The following KIAA1755 variants were observed in gnomAD, a reference collection of about 807,000 sequenced individuals.
KIAA1755 encodes KIAA1755.
Under a neutral mutation model 91.7 loss-of-function variants are expected in KIAA1755, and 68 were observed. That is an observed-to-expected ratio of 0.74 (90% confidence interval 0.61 to 0.91). The LOEUF is 0.91. Among genes scored for constraint, KIAA1755 ranks in the 40% least tolerant of loss-of-function variants. The probability of loss-of-function intolerance (pLI) is 0.00; values close to 1 mark genes in which losing one functional copy is unlikely to be tolerated. For missense variants in KIAA1755, 1,535 were observed against 1,494.4 expected, an observed-to-expected ratio of 1.03 and a Z score of -0.45; for synonymous variants, 610 against 604.6, an observed-to-expected ratio of 1.01 and a Z score of -0.13.
chr20:38,217,354 G>A lies in KIAA1755; in HGVS notation c.2800C>T (p.Gln934Ter). The A allele has an allele frequency of 6.2e-7, 1 of 1,613,146 alleles. No individual in the cohort carries two copies. The highest frequency in any genetic ancestry group is 8.5e-7 in the Non-Finnish European group (1 of 1,179,672). The change falls in exon 13 of 14, where the codon CAG (glutamine) becomes TAG (stop). Residue 934 changes from glutamine (Q) to a stop codon, truncating the protein, a stop_gained. Transcript: ENST00000279024. LOFTEE classifies it high-confidence loss of function. ...GTCAGCTCAGCCTGGAAGGCCCGCTGGGTAGAGGCAAAGGCTGCCAGCTCT... is the reference window on the plus strand; with the variant it reads ...GTCAGCTCAGCCTGGAAGGCCCGCTAGGTAGAGGCAAAGGCTGCCAGCTCT... Reference protein sequence around the residue: ...FPELAAFASTQRAFQAELTHF... With the variant: ...FPELAAFAST
intron 13 of KIAA1755, among the ~76,000 whole-genome samples, chr20:38,214,812 C>T (rs2075516729): frequency 6.6e-6 from 1 of 152,206 alleles, no homozygotes; most frequent in Non-Finnish European, 1.5e-5. Context: ...CCCAGCCGCT[C>T]GTGAAAAACA....
chr20:38,235,576 G>GC (rs1244988706), intron 4 of KIAA1755, among the ~76,000 whole-genome samples: 1 of 152,152 alleles, frequency 6.6e-6, no homozygotes, highest in Non-Finnish European at 1.5e-5. Flanking sequence ...GGAGGAAGGG[G>GC]CCACAAGCCA....
At position 38,213,027 on chromosome 20, in the gene KIAA1755, G is replaced by A. The variant is rs1600550637; in HGVS notation, c.*15C>T. On this transcript the variant is annotated 3_prime_UTR_variant, in exon 14 of 14. Transcript: ENST00000279024. ...AGTGCTCCTGGAGGCTGGTGCGACT[G>A]AAGGGGCCTCTCAGCTAGAGGGAGG... 6.6e-6 allele frequency: 10 copies of A among 1,522,642 alleles called. No homozygotes were observed. Among genetic ancestry groups the A allele is most frequent in the Non-Finnish European group, 7.9e-6 (9 of 1,134,172 alleles). The allele number at this position is 1,522,642 out of a possible 1,614,324, so 94.3% of individuals were successfully genotyped here. A position where few individuals can be genotyped will look rare whatever the true frequency, so the allele number is the denominator to read the frequency against.
At position 38,210,533 on chromosome 20, in the gene KIAA1755, T is replaced by G. The variant is rs2123029440; in HGVS notation, c.*2509A>C. 6.6e-6 allele frequency: 1 copy of G among 152,364 alleles called. No homozygotes were observed. Among genetic ancestry groups the G allele is most frequent in the East Asian group, 1.9e-4 (1 of 5,194 alleles). 9.4% of individuals were successfully genotyped at this position (152,364 alleles called of 1,614,324 possible). The stretch of plus-strand genomic sequence containing the variant: ...TGTTATTATTCGATATTTTTATACA[T>G]TGTTACTCATTATGACATTTCATTT... On this transcript the variant is annotated 3_prime_UTR_variant, in exon 14 of 14. Coordinates refer to ENST00000279024, the MANE Select transcript of KIAA1755 (RefSeq NM_001029864.2).
In KIAA1755 at chr20:38,217,717, T is replaced by C. The variant is rs138643116; in HGVS notation, c.2680-243A>G. On this transcript the variant is annotated intron_variant, in intron 12 of 13. Transcript: ENST00000279024. ...GTCTCCAGGCCCTCGCCATGGCAGT[T>C]CACTTTGCCTAGCCGGGCTCTGCTT... is the stretch of plus-strand genomic sequence containing the variant. The C allele has an allele frequency of 2.2e-3, 1,283 of 574,272 alleles. 13 individuals are homozygous for C. The highest frequency in any genetic ancestry group is 0.022 in the African/African-American group (1,168 of 53,556). The allele number at this position is 574,272 out of a possible 1,614,324, so 35.6% of individuals were successfully genotyped here. A position where few individuals can be genotyped will look rare whatever the true frequency, so the allele number is the denominator to read the frequency against.
At chr20:38,225,542 A>G in intron 8 of KIAA1755, 123 bp downstream of exon 8, 1 of 766,140 alleles carries the variant, frequency 1.3e-6, no homozygotes, top group Non-Finnish European at 2.3e-6. Flanking sequence ...CTTCACTGTA[A>G]ACATTTGTTG....
intron 4 of KIAA1755, among the ~76,000 whole-genome samples, chr20:38,234,430 G>A (rs182674944): frequency 6.8e-4 from 104 of 152,284 alleles, no homozygotes; most frequent in African/African-American, 2.4e-3. Flanking sequence ...GAGCCCTTAC[G>A]GGTGTGCACT....
At chr20:38,246,155 A>C in intron 1 of KIAA1755, 29 bp from the exon 2 acceptor site, 1 of 1,577,580 alleles carries the variant, frequency 6.3e-7, no homozygotes, top group Non-Finnish European at 8.7e-7. Context: ...GGGGGTGATA[A>C]TAGCAATGAT....
In KIAA1755 at chr20:38,240,649, AT is replaced by A. The variant is rs1233275606; in HGVS notation, c.1481del (p.Asn494MetfsTer41). The A allele has an allele frequency of 1.3e-6, 2 of 1,524,332 alleles. No individual in the cohort carries two copies. Among genetic ancestry groups the A allele is most frequent in the South Asian group, 2.6e-5 (2 of 75,516 alleles). The allele number at this position is 1,524,332 out of a possible 1,614,324, so 94.4% of individuals were successfully genotyped here. The stretch of plus-strand genomic sequence containing the variant: ...GGGAACACAGGACTTTCCAGGGCCC[AT>A]TGTGCTGGAGTGAGGCTTTCTCCGG... ...VTPEKASLQHNGPWKVLCSLY... is the reference protein window; with the variant it reads ...VTPEKASLQHXGPWKVLCSLY... On this transcript the variant is annotated frameshift_variant, in exon 3 of 14. Coordinates refer to ENST00000279024, the MANE Select transcript of KIAA1755 (RefSeq NM_001029864.2). LOFTEE classifies it high-confidence loss of function.
At chr20:38,253,457 T>G (rs2076286715) in intron 1 of KIAA1755, among the ~76,000 whole-genome samples, 1 of 152,228 alleles carries the variant, frequency 6.6e-6, no homozygotes, top group Admixed American at 6.5e-5. Flanking sequence ...GTATGAACCC[T>G]GTAACCACTT....
intron 1 of KIAA1755, among the ~76,000 whole-genome samples, chr20:38,257,289 A>C (rs545947838): frequency 2.1e-4 from 32 of 152,222 alleles, no homozygotes; most frequent in African/African-American, 6.5e-4. Context: ...TGAATGGATT[A>C]AACTGAACTT....
chr20:38,231,931 G>T (rs374447414), intron 4 of KIAA1755, among the ~76,000 whole-genome samples: 21 of 152,170 alleles, frequency 1.4e-4, no homozygotes, highest in African/African-American at 4.3e-4. Context: ...CTGGGTTTCC[G>T]ACAGGCTATT....
At chr20:38,247,018 T>C (rs1037972625) in intron 1 of KIAA1755, among the ~76,000 whole-genome samples, 3 of 151,880 alleles carry the variant, frequency 2.0e-5, no homozygotes, top group Non-Finnish European at 4.4e-5. Context: ...CAGGAAGGGA[T>C]CCAGAAGGCA....
intron 4 of KIAA1755, among the ~76,000 whole-genome samples, chr20:38,232,198 C>A (rs1041344142): frequency 2.0e-5 from 3 of 152,212 alleles, no homozygotes; most frequent in Non-Finnish European, 2.9e-5. Flanking sequence ...CCCTCTGCAG[C>A]GTGCAAAACC....
Position 38,246,116 on chromosome 20 carries a change from G to A in KIAA1755, c.14C>T (p.Ser5Phe). The A allele has an allele frequency of 6.2e-7, 1 of 1,613,168 alleles. No homozygotes were observed. Among genetic ancestry groups the A allele is most frequent in the Non-Finnish European group, 8.5e-7 (1 of 1,179,788 alleles). The change falls in exon 2 of 14, where the codon TCC (serine) becomes TTC (phenylalanine). Residue 5 changes from serine (S) to phenylalanine (F), a missense_variant. Physicochemically the swap from Ser to Phe is radical, Grantham distance 155. Transcript: ENST00000279024. ...GGCATGCTGGATGGCTGTGTCGAGG[G>A]ATGGAGGGTCCTGTGGGGGACAGGA... MDPP[S>F]LDTAIQHALA...
intron 4 of KIAA1755, among the ~76,000 whole-genome samples, chr20:38,234,883 G>T (rs1246363231): frequency 1.3e-5 from 2 of 152,190 alleles, no homozygotes; most frequent in African/African-American, 4.8e-5. Context: ...CCTACCAGCT[G>T]GCGCCAGAAA....
chr20:38,249,246 G>A (rs1478295135), intron 1 of KIAA1755, among the ~76,000 whole-genome samples: 1 of 152,102 alleles, frequency 6.6e-6, no homozygotes, highest in East Asian at 1.9e-4. Context: ...TATGGTCTTA[G>A]GACCCATAGG....
intron 4 of KIAA1755, 87 bp downstream of exon 4, chr20:38,239,441 C>G (rs1416466093): frequency 1.6e-6 from 2 of 1,237,218 alleles, no homozygotes; most frequent in Non-Finnish European, 2.3e-6. Flanking sequence ...AGGGCATTCC[C>G]TGCCTCCCCT....
intron 4 of KIAA1755, among the ~76,000 whole-genome samples, chr20:38,232,622 T>A (rs549954559): frequency 1.3e-5 from 2 of 148,706 alleles, no homozygotes; most frequent in Non-Finnish European, 3.0e-5. Flanking sequence ...AGTGAGACTC[T>A]GTCTCAGAAA....
Sources: gnomAD v4.1 joint callset for allele counts (sites outside exome capture counted in the v4.1 genomes callset) on GRCh38, gnomAD v4.1.1 for gene constraint, MANE v1.5 for transcripts, NCBI Gene and HGNC (gene_info 2026-07-23, HGNC 2026-07-21) for gene names.